Variants in YTHDF1 observed in about 807,000 individuals in gnomAD.
YTHDF1 encodes YTH N6-methyladenosine RNA binding protein F1.
Under a neutral mutation model 49.1 loss-of-function variants are expected in YTHDF1, and 16 were observed. That is an observed-to-expected ratio of 0.33 (90% CI 0.22 to 0.49). The LOEUF (loss-of-function observed/expected upper bound fraction) is 0.49, where lower values mean the gene tolerates loss of function less well. YTHDF1 is among the 20% of genes least tolerant of loss of function. YTHDF1 has a pLI of 0.99. For missense variants in YTHDF1, 621 were observed against 744.3 expected (o/e 0.83, Z 1.93); for synonymous variants, 313 against 290.1 (o/e 1.08, Z -0.80).
exon 1 of YTHDF1, chr20:63,216,115 GCGGCGGCGGCGGCGACAGCAGCGGCGA>G (rs1021355363): frequency 1.2e-4 from 21 of 170,472 alleles, no homozygotes; most frequent in South Asian, 6.7e-4. Flanking sequence ...GACTCCAATG[GCGGCGGCGGCGGCGACAGCAGCGGCGA>G]CGGCGGCGGC....
chr20:63,214,858 C>T (rs2066593752), intron 2 of YTHDF1, among the ~76,000 whole-genome samples: 1 of 152,094 alleles, frequency 6.6e-6, no homozygotes, highest in Admixed American at 6.5e-5. Context: ...GCAGGTTTGC[C>T]CTCAGCAGTT....
At chr20:63,211,673 G>A (rs535489183) in intron 3 of YTHDF1, among the ~76,000 whole-genome samples, 1 of 151,964 alleles carries the variant, frequency 6.6e-6, no homozygotes, top group South Asian at 2.1e-4. Context: ...AATATTTTTG[G>A]CTGGGCACAG....
intron 3 of YTHDF1, among the ~76,000 whole-genome samples, chr20:63,207,019 T>C (rs1483323873): frequency 6.6e-6 from 1 of 152,226 alleles, no homozygotes; most frequent in African/African-American, 2.4e-5. Context: ...TTCAGGGCCT[T>C]TGATCTCCCT....
chr20:63,200,669 T>C (rs1352290472), intron 4 of YTHDF1, among the ~76,000 whole-genome samples: 2 of 152,182 alleles, frequency 1.3e-5, no homozygotes, highest in Non-Finnish European at 2.9e-5. Context: ...AGCAGTTATC[T>C]AGATCAAGTT....
At chr20:63,206,596 C>G (rs551432750) in intron 3 of YTHDF1, among the ~76,000 whole-genome samples, 1 of 152,350 alleles carries the variant, frequency 6.6e-6, no homozygotes, top group South Asian at 2.1e-4. Flanking sequence ...GACGGTGACG[C>G]TAATCAGCTC....
intron 4 of YTHDF1, among the ~76,000 whole-genome samples, chr20:63,201,807 G>A (rs2066518600): frequency 6.6e-6 from 1 of 152,168 alleles, no homozygotes; most frequent in Non-Finnish European, 1.5e-5. Context: ...AACTACTGAG[G>A]GACAGTGCCC....
rs758968108 is a variant in YTHDF1, at chr20:63,202,680, G to A, written c.1260C>T (p.Arg420=). 6.2e-6 allele frequency: 10 copies of A among 1,613,912 alleles called. No individual in the cohort carries two copies. In the African/African-American group the frequency reaches 1.3e-4, roughly 22 times the overall value. The change falls in exon 4 of 5, where the codon CGC becomes CGT. Residue 420 remains arginine, a synonymous_variant. Coordinates refer to ENST00000370339, the MANE Select transcript of YTHDF1 (RefSeq NM_017798.4). The stretch of plus-strand genomic sequence containing the variant: ...TCATGCAGCGGAAGGCGCTGTCCAG[G>A]CGCTTGTTGCCGTGCTCTGTGCTAC... The part of the protein sequence containing the change: ...IWCSTEHGNK[R]LDSAFRCMSS...
In YTHDF1 at chr20:63,202,351, G is replaced by A. The variant is rs1273150461; in HGVS notation, c.1589C>T (p.Thr530Ile). 1 of 1,614,268 alleles carries A rather than the reference G, an allele frequency of 6.2e-7. No individual in the cohort carries two copies. Residue 530 changes from threonine to isoleucine, a missense_variant, in exon 4 of 5, where the codon ACC (threonine) becomes ATC (isoleucine). Around this residue, in one of 2 missense-constraint regions of YTHDF1, gnomAD observed 151 missense variants for 248.5 expected, o/e 0.61. Transcript: ENST00000370339. Reference protein sequence around the residue: ...LKIISSYKHTTSIFDDFAHYE... With the variant: ...LKIISSYKHTISIFDDFAHYE... ...GTGAGCAAAGTCGTCGAAGATGGAG[G>A]TTGTGTGCTTGTAGGAACTGATAAT...
intron 3 of YTHDF1, among the ~76,000 whole-genome samples, chr20:63,208,694 G>T (rs1204829786): frequency 2.0e-5 from 3 of 152,200 alleles, no homozygotes. Flanking sequence ...CGCTGCCACT[G>T]GGTATTTTAA....
intron 3 of YTHDF1, among the ~76,000 whole-genome samples, chr20:63,209,420 A>G (rs1397985516): frequency 6.6e-6 from 1 of 152,184 alleles, no homozygotes; most frequent in African/African-American, 2.4e-5. Flanking sequence ...TTATATCCTT[A>G]TTCCATAAGC....
chr20:63,214,967 AG>A (rs1385774184), intron 2 of YTHDF1, among the ~76,000 whole-genome samples: 3 of 152,252 alleles, frequency 2.0e-5, no homozygotes, highest in African/African-American at 7.2e-5. Context: ...ATGCTCAGCC[AG>A]AAAAAGCAAG....
chr20:63,214,799 GTAACTTTTTT>G (rs1198065266), intron 2 of YTHDF1, among the ~76,000 whole-genome samples: 1 of 152,198 alleles, frequency 6.6e-6, no homozygotes, highest in Non-Finnish European at 1.5e-5. Flanking sequence ...GGGGAAGTAT[GTAACTTTTTT>G]TGTCTTAGAA....
In YTHDF1 at chr20:63,203,157, G is replaced by C; in HGVS notation, c.783C>G (p.Pro261=). ...CCATGTTATGCTTTATGGGTGGAGG[G>C]GGCAGCCCACCCCCCATGACAGGCC... is the stretch of plus-strand genomic sequence containing the variant. ...KSGPVMGGGL[P]PPPIKHNMDI... is the part of the protein sequence containing the mutation. The change falls in exon 4 of 5, where the codon CCC becomes CCG. Residue 261 remains proline, a synonymous_variant. Coordinates refer to ENST00000370339, the MANE Select transcript of YTHDF1 (RefSeq NM_017798.4). The surrounding 1 kb of genome is among the most constrained non-coding windows in gnomAD (Gnocchi z 4.4). 1 of 1,613,726 alleles carries C rather than the reference G, an allele frequency of 6.2e-7. No individual in the cohort carries two copies. The highest frequency in any genetic ancestry group is 8.5e-7 in the Non-Finnish European group (1 of 1,180,030).
intron 3 of YTHDF1, among the ~76,000 whole-genome samples, chr20:63,206,949 G>GA (rs1321218815): frequency 6.6e-6 from 1 of 151,304 alleles, no homozygotes; most frequent in Non-Finnish European, 1.5e-5. Context: ...TGGTCACAGT[G>GA]CGTGGGAGAC....
chr20:63,200,804 C>T (rs1187590936), intron 4 of YTHDF1, among the ~76,000 whole-genome samples: 1 of 152,206 alleles, frequency 6.6e-6, no homozygotes, highest in Admixed American at 6.5e-5. Context: ...CACACACACA[C>T]AGCCAGCTTC....
intron 3 of YTHDF1, among the ~76,000 whole-genome samples, chr20:63,206,715 T>C (rs1448913409): frequency 6.6e-6 from 1 of 152,242 alleles, no homozygotes; most frequent in Non-Finnish European, 1.5e-5. Flanking sequence ...GATTTCCATT[T>C]TTACCTCAAT....
intron 2 of YTHDF1, among the ~76,000 whole-genome samples, chr20:63,214,476 G>C (rs1027981283): frequency 3.9e-5 from 6 of 152,202 alleles, no homozygotes; most frequent in African/African-American, 1.4e-4. Context: ...ACACACCCAT[G>C]ATACAACCTC....
At chr20:63,205,135 T>C (rs1370456718) in intron 3 of YTHDF1, among the ~76,000 whole-genome samples, 1 of 152,078 alleles carries the variant, frequency 6.6e-6, no homozygotes, top group Non-Finnish European at 1.5e-5. Context: ...ATAAAGAGAA[T>C]ATGCTCCAGA....
intron 3 of YTHDF1, among the ~76,000 whole-genome samples, chr20:63,207,297 C>G (rs2066551247): frequency 1.3e-5 from 2 of 151,986 alleles, no homozygotes; most frequent in Non-Finnish European, 2.9e-5. Flanking sequence ...TAAAACCCCC[C>G]TCTCTACTAA....
Sources: gnomAD v4.1 joint callset for allele counts (sites outside exome capture counted in the v4.1 genomes callset) on GRCh38, gnomAD v4.1.1 for gene constraint, gnomAD v4.1.1 regional missense constraint, Gnocchi (gnomAD v3.1) non-coding constraint, MANE v1.5 for transcripts, NCBI Gene and HGNC (gene_info 2026-07-23, HGNC 2026-07-21) for gene names.